The following CDK17 variants were observed in gnomAD, a reference collection of about 807,000 sequenced individuals.
The protein encoded by CDK17 is cyclin dependent kinase 17.
CDK17 carries 24 observed loss-of-function variants against 77.6 expected under a neutral mutation model. That is an observed-to-expected ratio of 0.31 (90% CI 0.22 to 0.44). CDK17 has a LOEUF of 0.44. Ranked by LOEUF, CDK17 falls within the 20% of genes least tolerant of loss-of-function variation. The probability of loss-of-function intolerance (pLI) is 1.00; values close to 1 mark genes in which losing one functional copy is unlikely to be tolerated. For synonymous variants in CDK17, 203 were observed against 210.4 expected (o/e 0.96, Z 0.30); for missense variants, 429 against 622.5 (o/e 0.69, Z 3.31).
At chr12:96,336,483 AT>A (rs1269264983) in intron 1 of CDK17, among the ~76,000 whole-genome samples, 1 of 152,206 alleles carries the variant, frequency 6.6e-6, no homozygotes, top group Admixed American at 6.5e-5. Flanking sequence ...TTTTTTAATA[AT>A]TTTTTAAAAA....
intron 3 of CDK17, among the ~76,000 whole-genome samples, chr12:96,315,737 A>G (rs1002321144): frequency 1.6e-4 from 24 of 152,100 alleles, no homozygotes; most frequent in African/African-American, 5.8e-4. Context: ...TGAAAACCCA[A>G]AGCTGTTATA....
intron 1 of CDK17, among the ~76,000 whole-genome samples, chr12:96,398,924 C>G (rs1249488024): frequency 6.6e-6 from 1 of 152,110 alleles, no homozygotes; most frequent in Non-Finnish European, 1.5e-5. Flanking sequence ...CTTTTTGCCA[C>G]TTTTGCAAAA....
chr12:96,330,611 G>A (rs1324621222), intron 2 of CDK17, among the ~76,000 whole-genome samples: 1 of 152,080 alleles, frequency 6.6e-6, no homozygotes, highest in East Asian at 1.9e-4. Context: ...CATATAAATG[G>A]AATCATAGAG....
intron 1 of CDK17, among the ~76,000 whole-genome samples, chr12:96,352,243 G>A (rs1183335440): frequency 1.3e-5 from 2 of 152,146 alleles, no homozygotes; most frequent in South Asian, 2.1e-4. Flanking sequence ...TGGGACCACA[G>A]AATGCTGAGG....
intron 1 of CDK17, among the ~76,000 whole-genome samples, chr12:96,372,633 T>C (rs1181275686): frequency 6.6e-6 from 1 of 152,064 alleles, no homozygotes; most frequent in Non-Finnish European, 1.5e-5. Flanking sequence ...ACCTGAATAA[T>C]CAACTGAAAA....
chr12:96,339,620 A>G (rs543518711), intron 1 of CDK17, among the ~76,000 whole-genome samples: 43 of 152,138 alleles, frequency 2.8e-4, no homozygotes, highest in Non-Finnish European at 3.7e-4. Context: ...AAAAAAGTTA[A>G]TAACTATTAT....
At chr12:96,346,994 A>G (rs1172265608) in intron 1 of CDK17, among the ~76,000 whole-genome samples, 1 of 152,188 alleles carries the variant, frequency 6.6e-6, no homozygotes, top group Non-Finnish European at 1.5e-5. Flanking sequence ...AAAATATTCC[A>G]TGCAAATAGT....
At position 96,289,201 on chromosome 12, in the gene CDK17, CA is replaced by C; in HGVS notation, c.1083del (p.Gly362ValfsTer39). 1 of 1,613,908 alleles carries C rather than the reference CA, an allele frequency of 6.2e-7. No homozygotes were observed. Among genetic ancestry groups the C allele is most frequent in the Non-Finnish European group, 8.5e-7 (1 of 1,179,844 alleles). ...ATCTGTGTTGAGTACTCCGAGGAACCAAGAAGCACATCAGGTGGCCGGTACC... is the reference window on the plus strand; with the variant it reads ...ATCTGTGTTGAGTACTCCGAGGAACCAGAAGCACATCAGGTGGCCGGTACC... ...TLWYRPPDVL[L>X]GSSEYSTQID... On this transcript the variant is annotated frameshift_variant, in exon 11 of 17. Coordinates refer to ENST00000261211, the MANE Select transcript of CDK17 (RefSeq NM_002595.5). LOFTEE classifies it high-confidence loss of function.
intron 2 of CDK17, among the ~76,000 whole-genome samples, chr12:96,333,242 C>T (rs1337636154): frequency 1.3e-5 from 2 of 151,982 alleles, no homozygotes; most frequent in African/African-American, 2.4e-5. Flanking sequence ...GCAAGAGGAA[C>T]AACAGTAAAA....
chr12:96,371,225 A>G (rs1031962669), intron 1 of CDK17, among the ~76,000 whole-genome samples: 8 of 152,058 alleles, frequency 5.3e-5, no homozygotes, highest in African/African-American at 1.9e-4. Context: ...TCTAATTAGC[A>G]TAAGAGATTC....
intron 2 of CDK17, among the ~76,000 whole-genome samples, chr12:96,328,930 A>G (rs1404539526): frequency 6.6e-6 from 1 of 152,214 alleles, no homozygotes; most frequent in Non-Finnish European, 1.5e-5. Context: ...ATATTCTAAC[A>G]CTTCCAGAAC....
chr12:96,300,876 C>G (rs1432040140), intron 5 of CDK17, among the ~76,000 whole-genome samples: 1 of 152,100 alleles, frequency 6.6e-6, no homozygotes, highest in Non-Finnish European at 1.5e-5. Context: ...AGTTCACAAT[C>G]AAAATTGTCA....
Position 96,387,065 on chromosome 12 carries a change from A to G in CDK17, c.-30+12921T>C, listed in dbSNP as rs1953988088. 3 of 342,062 alleles carry G rather than the reference A, an allele frequency of 8.8e-6. No homozygotes were observed. The South Asian group carries it at 9.0e-5, about 10-fold the overall frequency. The allele number at this position is 342,062 out of a possible 1,614,324, so 21.2% of individuals were successfully genotyped here. On this transcript the variant is annotated intron_variant, in intron 1 of 16. Coordinates refer to ENST00000261211, the MANE Select transcript of CDK17 (RefSeq NM_002595.5). Reference sequence around the variant, plus strand: ...GTACAGGTTCTCTGTCTTCAGGGTCATTTTCACGCTTTAAGATGTGTATCA... The same window carrying G: ...GTACAGGTTCTCTGTCTTCAGGGTCGTTTTCACGCTTTAAGATGTGTATCA...
intron 1 of CDK17, among the ~76,000 whole-genome samples, chr12:96,369,156 G>C (rs371185375): frequency 6.7e-6 from 1 of 148,906 alleles, no homozygotes; most frequent in African/African-American, 2.5e-5. Context: ...TCACAAAAAA[G>C]AAAAAAAAAG....
At chr12:96,364,415 T>C (rs1340317316) in intron 1 of CDK17, among the ~76,000 whole-genome samples, 1 of 152,212 alleles carries the variant, frequency 6.6e-6, no homozygotes, top group Non-Finnish European at 1.5e-5. Context: ...ACACAGGTAT[T>C]ACCTTTTAAA....
chr12:96,375,019 T>C (rs567090525), intron 1 of CDK17, among the ~76,000 whole-genome samples: 4 of 152,298 alleles, frequency 2.6e-5, no homozygotes, highest in Admixed American at 6.5e-5. Context: ...GCCAATAATC[T>C]TACTATATTT....
chr12:96,292,486 T>C (rs1952338654), intron 10 of CDK17, among the ~76,000 whole-genome samples: 1 of 152,008 alleles, frequency 6.6e-6, no homozygotes. Context: ...ACCCCTGTAA[T>C]TGCAGCTATT....
chr12:96,360,253 C>T (rs1953471403), intron 1 of CDK17, among the ~76,000 whole-genome samples: 1 of 152,176 alleles, frequency 6.6e-6, no homozygotes, highest in South Asian at 2.1e-4. Flanking sequence ...ACAGGGTTCA[C>T]TCTACAAGCG....
chr12:96,323,921 A>G, intron 3 of CDK17, 27 bp downstream of exon 3: 1 of 1,522,988 alleles, frequency 6.6e-7, no homozygotes, highest in Admixed American at 2.1e-5. Context: ...CAGAAAGGTA[A>G]ACACAACAGA....
Sources: allele counts gnomAD v4.1 joint callset (sites outside exome capture counted in the v4.1 genomes callset), GRCh38; gene constraint gnomAD v4.1.1; transcripts MANE v1.5; gene names NCBI Gene and HGNC (gene_info 2026-07-23, HGNC 2026-07-21).